GRIN2A: variants seen among roughly 807,000 people sequenced by gnomAD.
GRIN2A encodes glutamate ionotropic receptor NMDA type subunit 2A, also known as glutamate receptor ionotropic, NMDA 2A.
A neutral mutation model predicts 113.4 loss-of-function variants in GRIN2A; 22 were observed. The observed-to-expected ratio is 0.19, with a 90% CI of 0.14 to 0.28. GRIN2A has a LOEUF of 0.28. GRIN2A is among the 10% of genes least tolerant of loss of function. The pLI is 1.00. For missense variants in GRIN2A, 1,502 were observed against 1,887.0 expected (o/e 0.80, Z 3.78); for synonymous variants, 827 against 738.4 (o/e 1.12, Z -1.94).
At chr16:10,008,256 GT>G (rs2046440249) in intron 2 of GRIN2A, among the ~76,000 whole-genome samples, 1 of 152,156 alleles carries the variant, frequency 6.6e-6, no homozygotes, top group East Asian at 1.9e-4. Context: ...TGCAACAGCT[GT>G]GCCCCAACTA....
chr16:9,860,032 C>A (rs2043038515), intron 4 of GRIN2A, among the ~76,000 whole-genome samples: 1 of 150,898 alleles, frequency 6.6e-6, no homozygotes, highest in Admixed American at 6.6e-5. Flanking sequence ...GGAGAGAAGT[C>A]AAAGCTTAAT....
intron 2 of GRIN2A, among the ~76,000 whole-genome samples, chr16:10,014,916 T>A (rs1239855052): frequency 6.6e-6 from 1 of 151,986 alleles, no homozygotes; most frequent in East Asian, 1.9e-4. Flanking sequence ...GATGAGTGAA[T>A]AGAAAAGCAG....
intron 2 of GRIN2A, among the ~76,000 whole-genome samples, chr16:10,060,570 T>C (rs1275236825): frequency 6.6e-6 from 1 of 152,238 alleles, no homozygotes; most frequent in East Asian, 1.9e-4. Flanking sequence ...GCTAACTGCA[T>C]GCTAAAAACT....
At chr16:10,064,254 G>T (rs570553590) in intron 2 of GRIN2A, among the ~76,000 whole-genome samples, 1 of 152,122 alleles carries the variant, frequency 6.6e-6, no homozygotes, top group Non-Finnish European at 1.5e-5. Context: ...ACAGCAACAT[G>T]CAGGGGCCCT....
intron 3 of GRIN2A, among the ~76,000 whole-genome samples, chr16:9,896,463 T>C (rs1567162149): frequency 1.3e-5 from 2 of 152,204 alleles, no homozygotes; most frequent in African/African-American, 2.4e-5. Flanking sequence ...ACTTGTTCCC[T>C]TTTCTTCCAT....
intron 11 of GRIN2A, among the ~76,000 whole-genome samples, chr16:9,780,137 T>C (rs928962372): frequency 1.3e-5 from 2 of 152,186 alleles, no homozygotes; most frequent in African/African-American, 4.8e-5. Flanking sequence ...CACTTGCAAA[T>C]TGGAGAAACT....
chr16:10,174,887 C>CAT (rs2050113220), intron 2 of GRIN2A, among the ~76,000 whole-genome samples: 1 of 150,870 alleles, frequency 6.6e-6, no homozygotes, highest in Admixed American at 6.6e-5. Flanking sequence ...AGAAATTACA[C>CAT]ATATATATAT....
chr16:9,808,783 A>G (rs1188007401), intron 10 of GRIN2A, among the ~76,000 whole-genome samples: 2 of 152,164 alleles, frequency 1.3e-5, no homozygotes, highest in African/African-American at 2.4e-5. Flanking sequence ...GGCTTCAAGA[A>G]AATATAAATA....
At chr16:9,877,848 C>T (rs1328906412) in intron 4 of GRIN2A, among the ~76,000 whole-genome samples, 1 of 98,346 alleles carries the variant, frequency 1.0e-5, no homozygotes. Context: ...CTATCCCTCC[C>T]TAGCCCTCTC....
chr16:10,036,905 C>A (rs1305068237), intron 2 of GRIN2A: 1 of 152,166 alleles, frequency 6.6e-6, no homozygotes, highest in African/African-American at 2.4e-5. Flanking sequence ...TCTGTAAAGA[C>A]CCTCTCTCCA....
chr16:10,173,262 C>T (rs537456475), intron 2 of GRIN2A, among the ~76,000 whole-genome samples: 4 of 152,328 alleles, frequency 2.6e-5, no homozygotes, highest in Admixed American at 6.5e-5. Flanking sequence ...CCGATCTGTG[C>T]GTCTGCCCTT....
Position 9,764,664 on chromosome 16 carries a change from C to T in GRIN2A, c.2880G>A (p.Met960Ile), listed in dbSNP as rs868771153. The change falls in exon 13 of 13, where the codon ATG (methionine) becomes ATA (isoleucine). Residue 960 changes from methionine to isoleucine, a missense_variant. Around this residue, in one of 7 missense-constraint regions of GRIN2A, gnomAD observed 832 missense variants for 789.7 expected, o/e 1.05. Transcript: ENST00000330684. ...QGKESIFGDN[M>I]NELQTFVANR... Reference sequence around the variant, plus strand: ...TGGCCACAAATGTTTGGAGTTCGTTCATGTTGTCTCCAAAAATGCTCTCTT... The same window carrying T: ...TGGCCACAAATGTTTGGAGTTCGTTTATGTTGTCTCCAAAAATGCTCTCTT... 6.2e-7 allele frequency: 1 copy of T among 1,614,084 alleles called. No individual in the cohort carries two copies. The highest frequency in any genetic ancestry group is 8.5e-7 in the Non-Finnish European group (1 of 1,179,970).
At chr16:10,033,533 C>T (rs2046968100) in intron 2 of GRIN2A, among the ~76,000 whole-genome samples, 1 of 152,180 alleles carries the variant, frequency 6.6e-6, no homozygotes, top group Non-Finnish European at 1.5e-5. Flanking sequence ...CCCCATCAAG[C>T]TAAATGTGTT....
intron 2 of GRIN2A, among the ~76,000 whole-genome samples, chr16:10,032,563 C>G (rs2046949497): frequency 6.6e-6 from 1 of 152,222 alleles, no homozygotes; most frequent in Non-Finnish European, 1.5e-5. Flanking sequence ...TAACTTTCAG[C>G]CCTTGCAACC....
chr16:9,871,808 A>T (rs2043267163), intron 4 of GRIN2A, among the ~76,000 whole-genome samples: 2 of 152,168 alleles, frequency 1.3e-5, no homozygotes, highest in Admixed American at 1.3e-4. Context: ...TGATGCAAGG[A>T]AAACTAAGCT....
At chr16:10,160,054 G>C (rs973187607) in intron 2 of GRIN2A, among the ~76,000 whole-genome samples, 3 of 152,238 alleles carry the variant, frequency 2.0e-5, no homozygotes, top group Non-Finnish European at 4.4e-5. Flanking sequence ...TCATTTTGGT[G>C]CAGGGAACCT....
chr16:9,765,265 A>G (rs1900843197), intron 12 of GRIN2A, among the ~76,000 whole-genome samples: 1 of 152,210 alleles, frequency 6.6e-6, no homozygotes, highest in Non-Finnish European at 1.5e-5. Flanking sequence ...GGCATATAAG[A>G]ACAGATAACT....
At chr16:9,968,262 T>TTGTA (rs71157795) in intron 2 of GRIN2A, among the ~76,000 whole-genome samples, 24,800 of 150,100 alleles carry the variant, frequency 0.17, 2,306 homozygotes, top group East Asian at 0.3. Flanking sequence ...CTCTATTGAC[T>TTGTA]TGTATGTATG....
In GRIN2A at chr16:9,803,709, G is replaced by A. The variant is rs2041910944; in HGVS notation, c.2169-5245C>T. Among the ~76,000 whole-genome samples, 4 of 152,122 alleles carry A rather than the reference G, an allele frequency of 2.6e-5. 1 individual carries two copies. In the South Asian group the frequency reaches 8.3e-4, roughly 32 times the overall value. On this transcript the variant is annotated intron_variant, in intron 10 of 12. Coordinates refer to ENST00000330684, the MANE Select transcript of GRIN2A (RefSeq NM_001134407.3). ...ACTACTGCCATCCCCATTGTCAGAT[G>A]GAGAAACTGAGGCATTGAGCAGTAA... is the stretch of plus-strand genomic sequence containing the variant.
Sources: allele counts gnomAD v4.1 joint callset (sites outside exome capture counted in the v4.1 genomes callset), GRCh38; gene constraint gnomAD v4.1.1; regional missense constraint gnomAD v4.1.1; transcripts MANE v1.5; gene names NCBI Gene and HGNC (gene_info 2026-07-23, HGNC 2026-07-21).